Variants in ACACA observed in about 807,000 individuals in gnomAD.
ACACA encodes the protein acetyl-CoA carboxylase 1.
Under a neutral mutation model 296.1 loss-of-function variants are expected in ACACA, and 103 were observed. The ratio of observed to expected loss-of-function variants is 0.35; its 90% CI spans 0.30 to 0.41. The LOEUF (loss-of-function observed/expected upper bound fraction) is 0.41, where lower values mean the gene tolerates loss of function less well. Ranked by LOEUF, ACACA falls within the 10% of genes least tolerant of loss-of-function variation. The pLI is 1.00. For synonymous variants in ACACA, 953 were observed against 1,038.6 expected (o/e 0.92, Z 1.58); for missense variants, 1,554 against 2,989.7 (o/e 0.52, Z 11.20).
intron 1 of ACACA, among the ~76,000 whole-genome samples, chr17:37,354,791 C>T (rs1226359174): frequency 5.3e-5 from 8 of 151,972 alleles, no homozygotes; most frequent in Non-Finnish European, 1.2e-4. Context: ...ATTAGCTGGG[C>T]GCAGTGGTGT....
intron 1 of ACACA, among the ~76,000 whole-genome samples, chr17:37,398,893 T>C (rs2051187254): frequency 6.8e-6 from 1 of 147,570 alleles, no homozygotes; most frequent in Admixed American, 6.9e-5. Flanking sequence ...TTTCATCATA[T>C]CCTTATGAAA....
In ACACA at chr17:37,221,582, C is replaced by G; in HGVS notation, c.3683+142G>C. 7 of 772,372 alleles carry G rather than the reference C, an allele frequency of 9.1e-6. No homozygotes were observed. The South Asian group carries it at 1.0e-4, about 11-fold the overall frequency. 47.8% of individuals were successfully genotyped at this position (772,372 alleles called of 1,614,324 possible). A position where few individuals can be genotyped will look rare whatever the true frequency, so the allele number is the denominator to read the frequency against. ...GATCAAAGAAGTGGGCACCAAAAGG[C>G]TCTTCTCTTTTGGTTCATATTGTTC... On this transcript the variant is annotated intron_variant, in intron 29 of 55. Coordinates refer to ENST00000616317, the MANE Select transcript of ACACA (RefSeq NM_198834.3).
At position 37,192,176 on chromosome 17, in the gene ACACA, C is replaced by T; in HGVS notation, c.4330G>A (p.Ala1444Thr). 1 of 1,614,066 alleles carries T rather than the reference C, an allele frequency of 6.2e-7. No individual in the cohort carries two copies. The highest frequency in any genetic ancestry group is 2.2e-5 in the East Asian group (1 of 44,878). Residue 1444 changes from alanine to threonine, a missense_variant, in exon 37 of 56, where the codon GCA (alanine) becomes ACA (threonine). Physicochemically the swap from Ala to Thr is moderately conservative, Grantham distance 58. Transcript: ENST00000616317. ...ANHKMHLYLGAAKVEVGTEVT... is the reference protein window; with the variant it reads ...ANHKMHLYLGTAKVEVGTEVT... ...TCTGTGCCCACTTCCACCTTGGCTG[C>T]CCCGAGATACAGGTGCATCTTGTGA...
At chr17:37,114,017 G>A (rs1214135140) in intron 50 of ACACA, among the ~76,000 whole-genome samples, 1 of 152,076 alleles carries the variant, frequency 6.6e-6, no homozygotes, top group Non-Finnish European at 1.5e-5. Context: ...GTGAGAACCT[G>A]TCTCTACAAA....
intron 50 of ACACA, among the ~76,000 whole-genome samples, chr17:37,116,998 G>T (rs1210266949): frequency 6.6e-6 from 1 of 152,218 alleles, no homozygotes; most frequent in Non-Finnish European, 1.5e-5. Context: ...TTTCTAGCAT[G>T]CTGGGCAAAG....
chr17:37,296,438 T>C (rs1435933927), intron 3 of ACACA, among the ~76,000 whole-genome samples: 1 of 151,410 alleles, frequency 6.6e-6, no homozygotes, highest in Non-Finnish European at 1.5e-5. Context: ...CCAGAGTAGC[T>C]GGGACTAGAG....
intron 3 of ACACA, among the ~76,000 whole-genome samples, chr17:37,324,062 C>A (rs571111016): frequency 6.6e-6 from 1 of 152,232 alleles, no homozygotes; most frequent in South Asian, 2.1e-4. Flanking sequence ...GAAACCCCAT[C>A]TCTACTAAAA....
intron 25 of ACACA, 111 bp downstream of exon 25, chr17:37,234,864 A>G: frequency 4.0e-6 from 5 of 1,254,682 alleles, no homozygotes; most frequent in South Asian, 2.5e-5. Context: ...CATTCATCCC[A>G]TAATTATAAA....
intron 1 of ACACA, among the ~76,000 whole-genome samples, chr17:37,354,577 T>C (rs1378958482): frequency 6.6e-6 from 1 of 152,222 alleles, no homozygotes; most frequent in Non-Finnish European, 1.5e-5. Context: ...TAATATCACC[T>C]TCAAATAGTC....
At chr17:37,358,996 C>T in intron 1 of ACACA, 1 of 985,614 alleles carries the variant, frequency 1.0e-6, no homozygotes, top group Non-Finnish European at 1.2e-6. Context: ...GCCCTCACCT[C>T]ACCTCAGGGT....
At chr17:37,313,100 T>A (rs185012006) in intron 3 of ACACA, among the ~76,000 whole-genome samples, 1 of 152,266 alleles carries the variant, frequency 6.6e-6, no homozygotes, top group East Asian at 1.9e-4. Context: ...GTTAGAATTT[T>A]TACTTATGAA....
chr17:37,253,862 C>T (rs558452843), intron 14 of ACACA, among the ~76,000 whole-genome samples: 5 of 152,258 alleles, frequency 3.3e-5, no homozygotes, highest in South Asian at 4.2e-4. Context: ...AAGCAACTCT[C>T]TGGGTGCAGT....
chr17:37,124,986 G>A (rs895079979), intron 48 of ACACA, among the ~76,000 whole-genome samples: 2 of 152,138 alleles, frequency 1.3e-5, no homozygotes, highest in African/African-American at 2.4e-5. Flanking sequence ...CTCCAGATGC[G>A]GTCCCTCAGC....
chr17:37,291,143 T>TACAC (rs71159701), intron 3 of ACACA, among the ~76,000 whole-genome samples: 141 of 136,952 alleles, frequency 1.0e-3, no homozygotes, highest in East Asian at 6.4e-3. Context: ...GAAAAACACA[T>TACAC]ACACACACAC....
At chr17:37,291,137 A>AACACACACACACACACACACACACAC (rs1487554527) in intron 3 of ACACA, among the ~76,000 whole-genome samples, 5 of 81,210 alleles carry the variant, frequency 6.2e-5, no homozygotes, top group African/African-American at 7.8e-5. Context: ...GCTGATGAAA[A>AACACACACACACACACACACACACAC]ACACATACAC....
intron 2 of ACACA, 85 bp from the exon 3 acceptor site, chr17:37,330,510 C>T (rs1385424946): frequency 6.4e-7 from 1 of 1,557,594 alleles, no homozygotes; most frequent in Non-Finnish European, 8.8e-7. Flanking sequence ...TCTAATAAAC[C>T]ATAGCTGAGA....
chr17:37,137,678 A>G (rs1009352999), intron 45 of ACACA, among the ~76,000 whole-genome samples: 1 of 152,200 alleles, frequency 6.6e-6, no homozygotes, highest in African/African-American at 2.4e-5. Flanking sequence ...AAGCAAAAGG[A>G]GTGGTTCAAT....
chr17:37,382,959 C>G (rs776476347), intron 1 of ACACA, among the ~76,000 whole-genome samples: 6 of 152,144 alleles, frequency 3.9e-5, no homozygotes, highest in Non-Finnish European at 8.8e-5. Flanking sequence ...ATGACTTGAA[C>G]CCGGGAGGCG....
intron 50 of ACACA, among the ~76,000 whole-genome samples, chr17:37,117,003 G>A (rs1320723129): frequency 6.6e-6 from 1 of 152,172 alleles, no homozygotes; most frequent in East Asian, 1.9e-4. Context: ...AGCATGCTGG[G>A]CAAAGCACAT....
Sources: allele counts gnomAD v4.1 joint callset (sites outside exome capture counted in the v4.1 genomes callset), GRCh38; gene constraint gnomAD v4.1.1; transcripts MANE v1.5; gene names NCBI Gene and HGNC (gene_info 2026-07-23, HGNC 2026-07-21).